The following STEEP1 variants were observed in gnomAD, a reference collection of about 807,000 sequenced individuals.
The protein encoded by STEEP1 is STING1 ER exit protein 1, also known as STING ER exit protein.
Under a neutral mutation model 19.2 loss-of-function variants are expected in STEEP1, and 3 were observed. The ratio of observed to expected loss-of-function variants is 0.16; its 90% CI spans 0.07 to 0.40. The LOEUF is 0.40. Among genes scored for constraint, STEEP1 ranks in the 10% least tolerant of loss-of-function variants. STEEP1 has a pLI of 0.99. For missense variants in STEEP1, 54 were observed against 177.1 expected, an observed-to-expected ratio of 0.30 and a Z score of 3.94; for synonymous variants, 46 against 63.7, an observed-to-expected ratio of 0.72 and a Z score of 1.32.
At chrX:119,545,301 T>C (rs1488463757) in intron 3 of STEEP1, among the ~76,000 whole-genome samples, 162 bp downstream of exon 3, 1 of 102,277 alleles carries the variant, frequency 9.8e-6, no homozygotes, top group East Asian at 3.2e-4. Flanking sequence ...TAAGGTGACC[T>C]GAGATTGCAC....
At chrX:119,553,519 G>A (rs1367266288) in intron 2 of STEEP1, among the ~76,000 whole-genome samples, 1 of 111,811 alleles carries the variant, frequency 8.9e-6, no homozygotes, top group African/African-American at 3.2e-5. Context: ...AAGTGGTACT[G>A]CTTGGGATAT....
intron 1 of STEEP1, among the ~76,000 whole-genome samples, chrX:119,564,915 G>A (rs2053346347): frequency 8.9e-6 from 1 of 111,758 alleles, no homozygotes; most frequent in Non-Finnish European, 1.9e-5. Flanking sequence ...AAGTTATAAA[G>A]CTTCTAGAGG....
intron 6 of STEEP1, among the ~76,000 whole-genome samples, chrX:119,541,023 G>A (rs1158863603): frequency 2.7e-5 from 3 of 111,306 alleles, no homozygotes; most frequent in Non-Finnish European, 5.7e-5. Flanking sequence ...TCCAGCCTGG[G>A]CGACAAAGTG....
At chrX:119,547,185 AAT>A (rs201502127) in intron 2 of STEEP1, among the ~76,000 whole-genome samples, 1 of 111,053 alleles carries the variant, frequency 9.0e-6, no homozygotes, top group Non-Finnish European at 1.9e-5. Context: ...AACTTGGTTA[AAT>A]ATATATATAT....
chrX:119,546,986 C>A (rs1186826329), intron 2 of STEEP1, among the ~76,000 whole-genome samples: 6 of 111,252 alleles, frequency 5.4e-5, no homozygotes. Context: ...AAAATATCTT[C>A]CCTACTCATC....
intron 5 of STEEP1, 61 bp downstream of exon 5, chrX:119,542,444 G>T: frequency 1.2e-6 from 1 of 831,803 alleles, no homozygotes; most frequent in Non-Finnish European, 1.8e-6. Flanking sequence ...CCGCTCTAGA[G>T]TCCCCTTTCC....
intron 1 of STEEP1, among the ~76,000 whole-genome samples, chrX:119,564,111 G>A (rs950079313): frequency 1.8e-5 from 2 of 111,311 alleles, no homozygotes; most frequent in African/African-American, 6.5e-5. Context: ...ATCACCTAGG[G>A]GGTGGGTACA....
chrX:119,544,824 C>T (rs1348251830), intron 3 of STEEP1, among the ~76,000 whole-genome samples: 1 of 110,055 alleles, frequency 9.1e-6, no homozygotes, highest in African/African-American at 3.3e-5. Context: ...GCCTGTAATC[C>T]CAGCTACTCG....
At chrX:119,560,126 TAACAG>T (rs1431081998) in intron 2 of STEEP1, 137 bp downstream of exon 2, 2 of 489,716 alleles carry the variant, frequency 4.1e-6, no homozygotes, top group Non-Finnish European at 7.2e-6. Flanking sequence ...ATTACTACAT[TAACAG>T]AAGTTAGAAA....
chrX:119,554,943 C>CA (rs200242053), intron 2 of STEEP1, among the ~76,000 whole-genome samples: 1,505 of 108,113 alleles, frequency 0.014, 25 homozygotes, highest in African/African-American at 0.046. Flanking sequence ...CCTGTCTTTA[C>CA]AAAAAAAAAT....
intron 2 of STEEP1, among the ~76,000 whole-genome samples, chrX:119,546,060 T>C (rs2053202394): frequency 9.1e-6 from 1 of 110,494 alleles, no homozygotes; most frequent in African/African-American, 3.3e-5. Flanking sequence ...TAGGTAGCAA[T>C]AGTAGTTGTA....
In STEEP1 at chrX:119,560,397, G is replaced by C. The variant is rs768182141; in HGVS notation, c.125-12C>G. ...CTCTAACTGGCAGTCTGAAGGAATG[G>C]AGAGATTTGGTCACTAGAGTCATGG... is the stretch of plus-strand genomic sequence containing the variant. On this transcript the variant is annotated splice_polypyrimidine_tract_variant and intron_variant, in intron 1 of 6. Transcript: ENST00000644802. 11 of 1,139,528 alleles carry C rather than the reference G, an allele frequency of 9.7e-6. No homozygotes were observed. Among genetic ancestry groups the C allele is most frequent in the Non-Finnish European group, 1.3e-5 (11 of 829,798 alleles). 93.9% of individuals were successfully genotyped at this position (1,139,528 alleles called of 1,213,427 possible). A position where few individuals can be genotyped will look rare whatever the true frequency, so the allele number is the denominator to read the frequency against.
intron 2 of STEEP1, among the ~76,000 whole-genome samples, chrX:119,556,371 C>T (rs2053278207): frequency 9.1e-6 from 1 of 110,214 alleles, no homozygotes; most frequent in Non-Finnish European, 1.9e-5. Flanking sequence ...ATCACGAGGT[C>T]AGGAGATCGA....
intron 6 of STEEP1, among the ~76,000 whole-genome samples, chrX:119,540,596 T>C (rs775895623): frequency 2.5e-4 from 28 of 112,303 alleles, no homozygotes; most frequent in Non-Finnish European, 4.5e-4. Flanking sequence ...GATGAGCCCA[T>C]GAATAGTGCA....
intron 1 of STEEP1, among the ~76,000 whole-genome samples, chrX:119,561,009 CAAAAAAA>C (rs60535599): frequency 1.2e-5 from 1 of 81,265 alleles, no homozygotes; most frequent in Non-Finnish European, 2.3e-5. Flanking sequence ...CTCTGTTTTA[CAAAAAAA>C]AAAAAAAAAG....
chrX:119,540,545 A>C (rs2053155766), intron 6 of STEEP1, among the ~76,000 whole-genome samples: 4 of 111,627 alleles, frequency 3.6e-5, no homozygotes, highest in Non-Finnish European at 7.5e-5. Context: ...TGTCAAAAAA[A>C]AATACATAGG....
intron 2 of STEEP1, among the ~76,000 whole-genome samples, chrX:119,555,716 G>A (rs2053274073): frequency 9.0e-6 from 1 of 110,862 alleles, no homozygotes; most frequent in Admixed American, 9.8e-5. Flanking sequence ...CGGCAGTGCA[G>A]CAGGGCTGAA....
chrX:119,556,274 T>C (rs768149269), intron 2 of STEEP1, among the ~76,000 whole-genome samples: 13 of 110,826 alleles, frequency 1.2e-4, no homozygotes, highest in Non-Finnish European at 2.1e-4. Flanking sequence ...ACCCTAACTT[T>C]ACAGACACTC....
In STEEP1 at chrX:119,538,582, T is replaced by C. The variant is rs944278910; in HGVS notation, c.*1145A>G. ...CCAAGTAGCCGTGACTACAGGGGTA[T>C]GCCGCCACACCTGGCTAATTTCTTT... On this transcript the variant is annotated 3_prime_UTR_variant, in exon 7 of 7. Transcript: ENST00000644802. The C allele has an allele frequency of 4.7e-4, 52 of 109,929 alleles. No homozygotes were observed. The highest frequency in any genetic ancestry group is 1.6e-3 in the African/African-American group (49 of 30,202). The allele number at this position is 109,929 out of a possible 1,213,427, so 9.1% of individuals were successfully genotyped here. A position where few individuals can be genotyped will look rare whatever the true frequency, so the allele number is the denominator to read the frequency against.
Sources: allele counts gnomAD v4.1 joint callset (sites outside exome capture counted in the v4.1 genomes callset), GRCh38; gene constraint gnomAD v4.1.1; transcripts MANE v1.5; gene names NCBI Gene and HGNC (gene_info 2026-07-23, HGNC 2026-07-21).